TRPM3: variants seen among roughly 807,000 people sequenced by gnomAD.
TRPM3 encodes transient receptor potential cation channel subfamily M member 3.
A neutral mutation model predicts 181.2 loss-of-function variants in TRPM3; 77 were observed. The ratio of observed to expected loss-of-function variants is 0.42; its 90% CI spans 0.35 to 0.51. TRPM3 has a LOEUF of 0.51. TRPM3 is among the 20% of genes least tolerant of loss of function. TRPM3 has a pLI of 0.01. For missense variants in TRPM3, 1,759 were observed against 2,196.7 expected (o/e 0.80, Z 3.98); for synonymous variants, 745 against 796.4 (o/e 0.94, Z 1.09).
In TRPM3 at chr9:71,071,430, G is replaced by T. The variant is rs993932008; in HGVS notation, c.177+49748C>A. Among the ~76,000 whole-genome samples the T allele has an allele frequency of 5.3e-5, 8 of 152,164 alleles. No individual in the cohort carries two copies. In the East Asian group the frequency reaches 1.3e-3, roughly 26 times the overall value. On this transcript the variant is annotated intron_variant, in intron 1 of 25. Coordinates refer to ENST00000677713, the MANE Select transcript of TRPM3 (RefSeq NM_001366145.2). Reference sequence around the variant, plus strand: ...GTTTAGGAAATGAGCTTAGCTGTGGGTAATTAAGAATGCCTGGGGCCATAA... The same window carrying T: ...GTTTAGGAAATGAGCTTAGCTGTGGTTAATTAAGAATGCCTGGGGCCATAA...
Position 70,553,291 on chromosome 9 carries a change from C to T in TRPM3, c.3243G>A (p.Glu1081=). The T allele has an allele frequency of 6.2e-7, 1 of 1,614,092 alleles. No individual in the cohort carries two copies. The highest frequency in any genetic ancestry group is 8.5e-7 in the Non-Finnish European group (1 of 1,180,018). Reference sequence around the variant, plus strand: ...GGATTATTTTACCATCCTCTCGGGTCTCATTCTGTCCACAGGGAGCTGGAG... The same window carrying T: ...GGATTATTTTACCATCCTCTCGGGTTTCATTCTGTCCACAGGGAGCTGGAG... ...DQIDPPCGQN[E]TREDGKIIQL... is the part of the protein sequence containing the mutation. The change falls in exon 23 of 26, where the codon GAG becomes GAA. Residue 1081 remains glutamate, a synonymous_variant. Transcript: ENST00000677713.
chr9:70,840,259 C>A (rs1589104075), intron 5 of TRPM3, among the ~76,000 whole-genome samples: 1 of 152,030 alleles, frequency 6.6e-6, no homozygotes, highest in Non-Finnish European at 1.5e-5. Flanking sequence ...TTCTAGTTCC[C>A]TAGTTTTAAG....
Position 71,121,263 on chromosome 9 carries a change from T to C in TRPM3, c.92A>G (p.Asn31Ser). 1 of 1,614,160 alleles carries C rather than the reference T, an allele frequency of 6.2e-7. No individual in the cohort carries two copies. The highest frequency in any genetic ancestry group is 8.5e-7 in the Non-Finnish European group (1 of 1,180,006). ...TAGGGGTCGAGGAGCATCAGCCTGA[T>C]TCATGACCCCTTCCAAATTCCACCA... Reference protein sequence around the residue: ...FSWWNLEGVMNQADAPRPLNW... With the variant: ...FSWWNLEGVMSQADAPRPLNW... The change falls in exon 1 of 26, where the codon AAT (asparagine) becomes AGT (serine). Residue 31 changes from asparagine (N) to serine (S), a missense_variant. Physicochemically the swap from Asn to Ser is conservative, Grantham distance 46 (BLOSUM62 1). Transcript: ENST00000677713.
intron 1 of TRPM3, among the ~76,000 whole-genome samples, chr9:71,264,648 GTC>G (rs1051941435): frequency 6.6e-6 from 1 of 152,142 alleles, no homozygotes; most frequent in Non-Finnish European, 1.5e-5. Context: ...GGGCTCCACT[GTC>G]TCTCATTTTT....
chr9:71,253,983 G>A (rs1189311100), intron 1 of TRPM3, among the ~76,000 whole-genome samples: 2 of 152,106 alleles, frequency 1.3e-5, no homozygotes, highest in Admixed American at 6.6e-5. Flanking sequence ...GCAGTGGTGC[G>A]ATCTTGGCTC....
At chr9:71,275,845 CTTT>C (rs11453930) in intron 1 of TRPM3, among the ~76,000 whole-genome samples, 1 of 143,384 alleles carries the variant, frequency 7.0e-6, no homozygotes, top group Non-Finnish European at 1.5e-5. Context: ...AAAGAAGGAA[CTTT>C]TTTTTTTTTT....
chr9:71,342,382 C>G (rs1049027628), intron 1 of TRPM3, among the ~76,000 whole-genome samples: 1 of 149,872 alleles, frequency 6.7e-6, no homozygotes, highest in Admixed American at 6.7e-5. Flanking sequence ...ATGAATATGC[C>G]CAAATAGAAA....
At chr9:71,270,015 T>A (rs1042934796) in intron 1 of TRPM3, among the ~76,000 whole-genome samples, 6 of 152,340 alleles carry the variant, frequency 3.9e-5, no homozygotes, top group African/African-American at 1.4e-4. Context: ...AGTATTGCAA[T>A]TTTACAGGTC....
chr9:71,255,890 A>T (rs2082642252), intron 1 of TRPM3, among the ~76,000 whole-genome samples: 1 of 152,150 alleles, frequency 6.6e-6, no homozygotes, highest in Non-Finnish European at 1.5e-5. Context: ...CTTCTTATGG[A>T]CAGCTGTTGC....
chr9:70,701,754 T>C (rs1316438894), intron 8 of TRPM3, among the ~76,000 whole-genome samples: 1 of 152,192 alleles, frequency 6.6e-6, no homozygotes, highest in Non-Finnish European at 1.5e-5. Context: ...GAACAGTTGC[T>C]AAGTGAAATA....
chr9:70,755,708 A>C (rs534384201), intron 8 of TRPM3, among the ~76,000 whole-genome samples: 1 of 152,292 alleles, frequency 6.6e-6, no homozygotes, highest in South Asian at 2.1e-4. Context: ...CCAGAATTTC[A>C]TATCCAGCCA....
chr9:71,165,396 C>T (rs890350317), intron 1 of TRPM3, among the ~76,000 whole-genome samples: 15 of 152,030 alleles, frequency 9.9e-5, no homozygotes, highest in Non-Finnish European at 5.9e-5. Flanking sequence ...AAAAAAGCAG[C>T]GAGACATGGT....
At chr9:70,749,464 A>G (rs1240592647) in intron 8 of TRPM3, among the ~76,000 whole-genome samples, 2 of 152,166 alleles carry the variant, frequency 1.3e-5, no homozygotes, top group African/African-American at 4.8e-5. Context: ...CATTCAGGCC[A>G]TGAGTGCACC....
chr9:71,155,481 T>TTTTTATTTTATTTTA (rs10688191), intron 1 of TRPM3, among the ~76,000 whole-genome samples: 17,743 of 128,726 alleles, frequency 0.14, 1,505 homozygotes, highest in African/African-American at 0.19. Context: ...ACCATGCTTA[T>TTTTTATTTTATTTTA]TTTTATTTTA....
chr9:71,353,552 T>C (rs2091760463), intron 1 of TRPM3, among the ~76,000 whole-genome samples: 1 of 152,202 alleles, frequency 6.6e-6, no homozygotes, highest in Non-Finnish European at 1.5e-5. Context: ...CTAGGGCGAA[T>C]GACTTCAACC....
At chr9:70,665,858 C>G (rs923929674) in intron 9 of TRPM3, among the ~76,000 whole-genome samples, 6 of 152,326 alleles carry the variant, frequency 3.9e-5, no homozygotes, top group Middle Eastern at 3.4e-3. Context: ...TTTCAACCTT[C>G]TGTTCCCTTT....
At chr9:71,139,818 C>A (rs1487383276) in intron 1 of TRPM3, among the ~76,000 whole-genome samples, 1 of 152,174 alleles carries the variant, frequency 6.6e-6, no homozygotes, top group Non-Finnish European at 1.5e-5. Context: ...ACTTGTGCTT[C>A]TGCTAGAGAA....
intron 1 of TRPM3, among the ~76,000 whole-genome samples, chr9:71,418,507 A>C (rs1488129171): frequency 3.3e-5 from 5 of 151,814 alleles, no homozygotes; most frequent in Non-Finnish European, 5.9e-5. Flanking sequence ...ATCCTTGCCC[A>C]CATGACCAGG....
chr9:70,581,714 A>G (rs1443448907), intron 22 of TRPM3, among the ~76,000 whole-genome samples: 4 of 152,174 alleles, frequency 2.6e-5, no homozygotes, highest in Non-Finnish European at 5.9e-5. Flanking sequence ...GAGCCTTTGG[A>G]AAGGCCATAG....
Sources: allele counts gnomAD v4.1 joint callset (sites outside exome capture counted in the v4.1 genomes callset), GRCh38; gene constraint gnomAD v4.1.1; transcripts MANE v1.5; gene names NCBI Gene and HGNC (gene_info 2026-07-23, HGNC 2026-07-21).